The following CACNB2 variants were observed in gnomAD, a reference collection of about 807,000 sequenced individuals.
CACNB2 encodes the protein voltage-dependent L-type calcium channel subunit beta-2.
A neutral mutation model predicts 73.3 loss-of-function variants in CACNB2; 42 were observed. That is an observed-to-expected ratio of 0.57 (90% CI 0.45 to 0.74). The LOEUF is 0.74. Among genes scored for constraint, CACNB2 ranks in the 30% least tolerant of loss-of-function variants. The probability of loss-of-function intolerance (pLI) is 0.00; values close to 1 mark genes in which losing one functional copy is unlikely to be tolerated. For synonymous variants in CACNB2, 348 were observed against 310.3 expected (o/e 1.12, Z -1.28); for missense variants, 940 against 853.0 (o/e 1.10, Z -1.27).
chr10:18,384,580 A>G (rs1356591354), intron 2 of CACNB2, among the ~76,000 whole-genome samples: 2 of 151,996 alleles, frequency 1.3e-5, no homozygotes, highest in African/African-American at 4.8e-5. Flanking sequence ...GAAAAAAACA[A>G]TTAGCTGGGC....
chr10:18,349,982 G>T (rs1349391428), intron 2 of CACNB2, among the ~76,000 whole-genome samples: 1 of 152,132 alleles, frequency 6.6e-6, no homozygotes, highest in Non-Finnish European at 1.5e-5. Context: ...GGTGGCTCAT[G>T]CCTGTAATCC....
chr10:18,190,315 G>A (rs1407724450), intron 2 of CACNB2, among the ~76,000 whole-genome samples: 1 of 152,074 alleles, frequency 6.6e-6, no homozygotes, highest in Non-Finnish European at 1.5e-5. Context: ...CACAGGGGTC[G>A]CTTCCAGTCC....
intron 3 of CACNB2, among the ~76,000 whole-genome samples, chr10:18,450,049 A>T (rs11014280): frequency 6.6e-6 from 1 of 152,230 alleles, no homozygotes; most frequent in Non-Finnish European, 1.5e-5. Flanking sequence ...TCTTCAGTGG[A>T]AAAGTTCTGC....
chr10:18,360,331 G>C (rs553238218), intron 2 of CACNB2, among the ~76,000 whole-genome samples: 1 of 152,108 alleles, frequency 6.6e-6, no homozygotes, highest in African/African-American at 2.4e-5. Flanking sequence ...GGGCTCAAGC[G>C]ATCCTCTTGC....
At chr10:18,450,916 C>A (rs569581848) in intron 3 of CACNB2, among the ~76,000 whole-genome samples, 2 of 152,302 alleles carry the variant, frequency 1.3e-5, no homozygotes, top group East Asian at 3.9e-4. Context: ...GGATTACAGG[C>A]ATGAGCCACC....
chr10:18,491,819 T>TAAAAAAAAAAAAAA (rs68179779), intron 3 of CACNB2, among the ~76,000 whole-genome samples: 1 of 65,602 alleles, frequency 1.5e-5, no homozygotes, highest in African/African-American at 5.0e-5. Context: ...TCAAGTTGGT[T>TAAAAAAAAAAAAAA]AAAAAAAAAA....
chr10:18,390,401 TG>T (rs1176926349), intron 2 of CACNB2, among the ~76,000 whole-genome samples: 1 of 152,092 alleles, frequency 6.6e-6, no homozygotes, highest in Non-Finnish European at 1.5e-5. Flanking sequence ...TTAGTAGCGA[TG>T]GGGGTTTCAC....
intron 3 of CACNB2, among the ~76,000 whole-genome samples, chr10:18,481,201 TATATATATATATATATATATATATATA>T (rs1564599065): frequency 4.1e-3 from 27 of 6,632 alleles, no homozygotes; most frequent in African/African-American, 8.6e-3. Context: ...GCTATATATA[TATATATATATATATATATATATATATA>T]TATTTTTTTT....
chr10:18,244,736 G>T (rs1296935868), intron 2 of CACNB2, among the ~76,000 whole-genome samples: 1 of 152,188 alleles, frequency 6.6e-6, no homozygotes, highest in Non-Finnish European at 1.5e-5. Flanking sequence ...GCCCCCCAAA[G>T]ATGTCCATGT....
chr10:18,158,761 G>T lies in CACNB2; in HGVS notation c.213+7786G>T, dbSNP rs192081866. On this transcript the variant is annotated intron_variant, in intron 2 of 13. Transcript: ENST00000324631. The stretch of plus-strand genomic sequence containing the variant: ...TCTAAACAGATAAATTAACTTACTG[G>T]AAGAAAAATAGGTGGGGAAGAGTAA... Among the ~76,000 whole-genome samples the T allele has an allele frequency of 1.4e-3, 214 of 152,304 alleles. 2 individuals carry two copies. The highest frequency in any genetic ancestry group is 1.3e-4 in the Non-Finnish European group (9 of 68,032).
chr10:18,370,887 C>A (rs10741039), intron 2 of CACNB2, among the ~76,000 whole-genome samples: 80,660 of 151,946 alleles, frequency 0.53, 21,988 homozygotes, highest in East Asian at 0.91. Flanking sequence ...ATCTATATCT[C>A]GATATGTAAA....
rs11312922 is a variant in CACNB2, at chr10:18,284,967, TG to T, written c.214-116954del. 8.5e-3 allele frequency among the ~76,000 whole-genome samples: 1,299 copies of T among 152,248 alleles called. 24 individuals carry two copies. Among genetic ancestry groups the T allele is most frequent in the African/African-American group, 0.03 (1,235 of 41,534 alleles). The stretch of plus-strand genomic sequence containing the variant: ...TCCAAGACGAACATAAGAAATTCAA[TG>T]GGAAAGGAATTCACCTGGGGCTCTT... On this transcript the variant is annotated intron_variant, in intron 2 of 13. Coordinates refer to ENST00000324631, the MANE Select transcript of CACNB2 (RefSeq NM_201596.3).
chr10:18,483,601 G>A lies in CACNB2; in HGVS notation c.334-14754G>A, dbSNP rs183633875. 1.6e-4 allele frequency among the ~76,000 whole-genome samples: 25 copies of A among 151,658 alleles called. 1 individual carries two copies. The highest frequency in any genetic ancestry group is 4.6e-4 in the Admixed American group (7 of 15,178). On this transcript the variant is annotated intron_variant, in intron 3 of 13. Coordinates refer to ENST00000324631, the MANE Select transcript of CACNB2 (RefSeq NM_201596.3). The stretch of plus-strand genomic sequence containing the variant: ...ATAAAATAAATGATGAAATAAAATC[G>A]CTGAAATTTGTATAACTTCTGATCG...
At chr10:18,442,608 C>T (rs147479776) in intron 3 of CACNB2, among the ~76,000 whole-genome samples, 1,652 of 151,414 alleles carry the variant, frequency 0.011, 29 homozygotes, top group African/African-American at 0.038. Flanking sequence ...GGGCAGATCA[C>T]GAGGTCAAGA....
intron 3 of CACNB2, among the ~76,000 whole-genome samples, chr10:18,443,833 G>A (rs10764499): frequency 0.26 from 39,308 of 151,380 alleles, 5,819 homozygotes; most frequent in Middle Eastern, 0.41. Context: ...TCCTGCCTCA[G>A]CCTCCCAAGT....
At chr10:18,375,316 A>G (rs2042751847) in intron 2 of CACNB2, among the ~76,000 whole-genome samples, 1 of 152,212 alleles carries the variant, frequency 6.6e-6, no homozygotes, top group Non-Finnish European at 1.5e-5. Context: ...CCATAGGGAA[A>G]AAGATACATG....
At chr10:18,293,564 GT>G (rs1164231128) in intron 2 of CACNB2, among the ~76,000 whole-genome samples, 7 of 152,226 alleles carry the variant, frequency 4.6e-5, no homozygotes, top group Non-Finnish European at 8.8e-5. Context: ...CTACCCTTGG[GT>G]TGGGTTTACT....
chr10:18,498,841 A>G, intron 4 of CACNB2: 1 of 275,028 alleles, frequency 3.6e-6, no homozygotes, highest in South Asian at 3.9e-5. Context: ...GGAGGGTTTA[A>G]TAATAATATC....
At chr10:18,271,220 G>A (rs531194119) in intron 2 of CACNB2, among the ~76,000 whole-genome samples, 1 of 152,308 alleles carries the variant, frequency 6.6e-6, no homozygotes, top group South Asian at 2.1e-4. Context: ...TTGCAACTAT[G>A]TAATCATTTC....
Sources: allele counts gnomAD v4.1 joint callset (sites outside exome capture counted in the v4.1 genomes callset), GRCh38; gene constraint gnomAD v4.1.1; transcripts MANE v1.5; gene names NCBI Gene and HGNC (gene_info 2026-07-23, HGNC 2026-07-21).